Variants in UGGT2 observed in about 807,000 individuals in gnomAD.
The protein encoded by UGGT2 is UDP-glucose glycoprotein glucosyltransferase 2, also known as UDP-glucose:glycoprotein glucosyltransferase 2.
UGGT2 carries 180 observed loss-of-function variants against 192.1 expected under a neutral mutation model. That is an observed-to-expected ratio of 0.94 (90% CI 0.83 to 1.06). The LOEUF (loss-of-function observed/expected upper bound fraction) is 1.06. UGGT2 is among the 50% of genes least tolerant of loss of function. The pLI is 0.00. For synonymous variants in UGGT2, 580 were observed against 591.0 expected (o/e 0.98, Z 0.27); for missense variants, 1,849 against 1,795.7 (o/e 1.03, Z -0.54).
At chr13:95,923,257 T>C (rs2048906074) in intron 20 of UGGT2, among the ~76,000 whole-genome samples, 1 of 152,120 alleles carries the variant, frequency 6.6e-6, no homozygotes, top group African/African-American at 2.4e-5. Context: ...CAGAGTCTTG[T>C]TATGTTGCCC....
intron 38 of UGGT2, among the ~76,000 whole-genome samples, chr13:95,802,075 CTTATCTTTG>C (rs1269185626): frequency 6.6e-6 from 1 of 152,182 alleles, no homozygotes; most frequent in African/African-American, 2.4e-5. Flanking sequence ...ACATACCTTA[CTTATCTTTG>C]TTATCTTTAG....
intron 22 of UGGT2, among the ~76,000 whole-genome samples, chr13:95,897,552 T>G (rs1174445981): frequency 6.6e-6 from 1 of 152,154 alleles, no homozygotes; most frequent in Non-Finnish European, 1.5e-5. Flanking sequence ...ATGGAAACAT[T>G]TGAACAGGCT....
Position 96,016,548 on chromosome 13 carries a change from G to A in UGGT2, c.486-3067C>T, listed in dbSNP as rs551265549. 1.0e-3 allele frequency among the ~76,000 whole-genome samples: 154 copies of A among 152,328 alleles called. 1 individual carries two copies. The highest frequency in any genetic ancestry group is 2.0e-3 in the Non-Finnish European group (135 of 68,026). On this transcript the variant is annotated intron_variant, in intron 4 of 38. Transcript: ENST00000376747. ...CAGAGGGCACAAGCCATAAGCCCTG[G>A]CAGTTTATACATGGTCTCATGTCTG...
Position 95,939,982 on chromosome 13 carries a change from T to C in UGGT2, c.1787A>G (p.His596Arg), listed in dbSNP as rs138675751. 146 of 1,602,096 alleles carry C rather than the reference T, an allele frequency of 9.1e-5. No homozygotes were observed. The African/African-American group carries it at 1.9e-3, about 21-fold the overall frequency. Residue 596 changes from histidine to arginine, a missense_variant, in exon 16 of 39, where the codon CAT becomes CGT. His to Arg is a conservative substitution (Grantham distance 29). Coordinates refer to ENST00000376747, the MANE Select transcript of UGGT2 (RefSeq NM_020121.4). ...CTTTCTTTCTTCATCATATTTAGAA[T>C]GAATTCCCAAAATATCCCAAATATT... The part of the protein sequence containing the change: ...HANIWDILGI[H>R]SKYDEERKAG...
chr13:95,861,188 A>G (rs1890133634), intron 31 of UGGT2, among the ~76,000 whole-genome samples: 2 of 152,012 alleles, frequency 1.3e-5, no homozygotes, highest in South Asian at 4.2e-4. Flanking sequence ...ACAGCTTGAC[A>G]TGGCCATATC....
chr13:95,867,500 T>C, intron 29 of UGGT2, 77 bp from the exon 30 acceptor site: 1 of 1,235,204 alleles, frequency 8.1e-7, no homozygotes, highest in Non-Finnish European at 1.1e-6. Flanking sequence ...AATAAACTCA[T>C]TTTGCAATAA....
chr13:96,008,166 A>G (rs2052040251), intron 5 of UGGT2, among the ~76,000 whole-genome samples: 1 of 152,206 alleles, frequency 6.6e-6, no homozygotes, highest in Non-Finnish European at 1.5e-5. Flanking sequence ...CACAGGCAAC[A>G]CAATTAAAAA....
At chr13:95,880,884 A>G (rs1270251073) in intron 27 of UGGT2, among the ~76,000 whole-genome samples, 1 of 152,194 alleles carries the variant, frequency 6.6e-6, no homozygotes, top group Non-Finnish European at 1.5e-5. Flanking sequence ...ATATAAAAAA[A>G]CAAAACATGG....
At chr13:95,863,450 A>G in intron 31 of UGGT2, 179 bp downstream of exon 31, 1 of 530,990 alleles carries the variant, frequency 1.9e-6, no homozygotes, top group East Asian at 2.9e-5. Flanking sequence ...TTTTATTTTC[A>G]TCTGTCTTAT....
rs1885709601 is a variant in UGGT2 at position 95,823,546 on chromosome 13, AAAGTCTGTTTTGTCTGATAT to A, written c.4528+9361_4528+9380del. 2.6e-5 allele frequency among the ~76,000 whole-genome samples: 4 copies of A among 152,096 alleles called. No homozygotes were observed. The South Asian group carries it at 8.3e-4, about 32-fold the overall frequency. On this transcript the variant is annotated intron_variant, in intron 38 of 38. Coordinates refer to ENST00000376747, the MANE Select transcript of UGGT2 (RefSeq NM_020121.4). ...TGTCTTTTTTCACTGCTGATGCCTT[AAAGTCTGTTTTGTCTGATAT>A]AAGAATAGCTACGCCTGCTTGCTTT...
At chr13:95,916,896 G>T (rs970460807) in intron 20 of UGGT2, among the ~76,000 whole-genome samples, 1 of 151,862 alleles carries the variant, frequency 6.6e-6, no homozygotes, top group East Asian at 1.9e-4. Context: ...AGAACTATAG[G>T]ATTATGTAAA....
intron 38 of UGGT2, among the ~76,000 whole-genome samples, chr13:95,806,986 C>G (rs1249255784): frequency 1.3e-5 from 2 of 152,006 alleles, no homozygotes; most frequent in East Asian, 3.9e-4. Context: ...TACAGTTGAC[C>G]CCTGAATAAC....
chr13:95,806,161 T>C (rs904874927), intron 38 of UGGT2, among the ~76,000 whole-genome samples: 12 of 150,442 alleles, frequency 8.0e-5, no homozygotes, highest in Non-Finnish European at 1.6e-4. Context: ...CAGGGAAACT[T>C]ATAGCTGTAA....
rs1394165396 is a variant in UGGT2 at position 95,887,903 on chromosome 13, G to T, written c.3027C>A (p.Ala1009=). 1.9e-6 allele frequency: 3 copies of T among 1,596,220 alleles called. No homozygotes were observed. In the African/African-American group the frequency reaches 4.0e-5, roughly 22 times the overall value. ...FMNCRGRLSE[A]PLESFYRFVL... ...TCACTCAGATTTACCTTTCTAAAGG[G>T]GCTTCTGAAAGCCTGCCCCTACAGT... Residue 1009 remains alanine (A), a synonymous_variant, in exon 26 of 39, where the codon GCC becomes GCA. Coordinates refer to ENST00000376747, the MANE Select transcript of UGGT2 (RefSeq NM_020121.4).
At chr13:95,824,996 A>G (rs953093055) in intron 38 of UGGT2, among the ~76,000 whole-genome samples, 2 of 151,870 alleles carry the variant, frequency 1.3e-5, no homozygotes, top group Non-Finnish European at 2.9e-5. Context: ...ATTATAGCTT[A>G]ATTTGGTTAT....
chr13:95,928,690 A>T (rs2049131660), intron 17 of UGGT2, among the ~76,000 whole-genome samples: 1 of 151,350 alleles, frequency 6.6e-6, no homozygotes, highest in Non-Finnish European at 1.5e-5. Flanking sequence ...GGCCGGGAAG[A>T]GGTGTTCCTC....
At chr13:96,032,784 T>C (rs868417186) in intron 1 of UGGT2, among the ~76,000 whole-genome samples, 1 of 152,156 alleles carries the variant, frequency 6.6e-6, no homozygotes, top group Admixed American at 6.5e-5. Flanking sequence ...ATTGAGAACA[T>C]CCACAACACA....
intron 11 of UGGT2, 67 bp from the exon 12 acceptor site, chr13:95,970,329 T>A: frequency 7.0e-7 from 1 of 1,427,894 alleles, no homozygotes; most frequent in Non-Finnish European, 9.6e-7. Context: ...TTTTAAAGTT[T>A]GATAGTCTTA....
intron 12 of UGGT2, among the ~76,000 whole-genome samples, chr13:95,957,030 A>G (rs2050230870): frequency 6.6e-6 from 1 of 152,246 alleles, no homozygotes; most frequent in Non-Finnish European, 1.5e-5. Context: ...ATGCTACAAC[A>G]TGGATGAACC....
Sources: gnomAD v4.1 joint callset for allele counts (sites outside exome capture counted in the v4.1 genomes callset) on GRCh38, gnomAD v4.1.1 for gene constraint, MANE v1.5 for transcripts, NCBI Gene and HGNC (gene_info 2026-07-23, HGNC 2026-07-21) for gene names.